The following ADAMTS17 variants were observed in gnomAD, a reference collection of about 807,000 sequenced individuals.
ADAMTS17 encodes ADAM metallopeptidase with thrombospondin type 1 motif 17, also known as A disintegrin and metalloproteinase with thrombospondin motifs 17.
In ADAMTS17, 113 loss-of-function variants were observed where a neutral mutation model predicts 141.5. The ratio of observed to expected loss-of-function variants is 0.80; its 90% CI spans 0.69 to 0.93. The LOEUF is 0.93. Among genes scored for constraint, ADAMTS17 ranks in the 40% least tolerant of loss-of-function variants. The pLI is 0.00. For missense variants in ADAMTS17, 1,659 were observed against 1,517.9 expected (o/e 1.09, Z -1.54); for synonymous variants, 768 against 630.6 (o/e 1.22, Z -3.27).
intron 8 of ADAMTS17, among the ~76,000 whole-genome samples, chr15:100,163,490 A>G (rs1451569860): frequency 1.3e-5 from 2 of 152,114 alleles, no homozygotes; most frequent in African/African-American, 4.8e-5. Flanking sequence ...TCTAAATTTT[A>G]TAATTTTAAT....
chr15:100,192,085 G>A (rs1468547545), intron 8 of ADAMTS17, among the ~76,000 whole-genome samples: 3 of 152,322 alleles, frequency 2.0e-5, no homozygotes, highest in South Asian at 2.1e-4. Flanking sequence ...AGGCCTGCAC[G>A]TTTTGAACAA....
At chr15:100,199,887 C>T (rs965882897) in intron 7 of ADAMTS17, among the ~76,000 whole-genome samples, 1 of 152,228 alleles carries the variant, frequency 6.6e-6, no homozygotes, top group Non-Finnish European at 1.5e-5. Context: ...TCAGGCGATG[C>T]CCCTGCACCC....
At chr15:99,985,288 T>C (rs1395812316) in intron 20 of ADAMTS17, among the ~76,000 whole-genome samples, 1 of 152,226 alleles carries the variant, frequency 6.6e-6, no homozygotes, top group Admixed American at 6.5e-5. Flanking sequence ...AGGATCTGCC[T>C]CTCTTGATCT....
chr15:100,281,196 C>A (rs755291288), intron 4 of ADAMTS17, 33 bp downstream of exon 4: 15 of 1,599,738 alleles, frequency 9.4e-6, no homozygotes, highest in Non-Finnish European at 1.3e-5. Context: ...GAAAACAGAG[C>A]CCCCCACATC....
intron 3 of ADAMTS17, among the ~76,000 whole-genome samples, chr15:100,295,409 G>A (rs1442668822): frequency 6.6e-6 from 1 of 152,110 alleles, no homozygotes; most frequent in African/African-American, 2.4e-5. Context: ...GTGAGGAGAT[G>A]GGGTTCCTTG....
chr15:99,978,531 C>T (rs1001571694), intron 20 of ADAMTS17: 1 of 152,230 alleles, frequency 6.6e-6, no homozygotes, highest in Non-Finnish European at 1.5e-5. Flanking sequence ...GGAGGCAGCT[C>T]ATGGCCTTTC....
At chr15:100,220,533 C>T (rs1262171334) in intron 7 of ADAMTS17, among the ~76,000 whole-genome samples, 1 of 152,198 alleles carries the variant, frequency 6.6e-6, no homozygotes, top group Non-Finnish European at 1.5e-5. Flanking sequence ...ATTCACACAC[C>T]ATTAAGTTCA....
intron 7 of ADAMTS17, among the ~76,000 whole-genome samples, chr15:100,217,085 TTG>T (rs1555485677): frequency 6.7e-6 from 1 of 149,938 alleles, no homozygotes; most frequent in African/African-American, 2.5e-5. Context: ...AGACATGGGT[TTG>T]TGTTTCAGCA....
intron 3 of ADAMTS17, among the ~76,000 whole-genome samples, chr15:100,281,791 A>G (rs1331234343): frequency 1.3e-5 from 2 of 152,210 alleles, no homozygotes. Context: ...CAAGGTGGAT[A>G]ACTGGACCAA....
At chr15:100,207,481 C>T (rs541773105) in intron 7 of ADAMTS17, among the ~76,000 whole-genome samples, 172 of 152,266 alleles carry the variant, frequency 1.1e-3, no homozygotes, top group Middle Eastern at 0.01. Context: ...AGCATGGCGG[C>T]CACCGGAACT....
At chr15:100,221,403 A>T (rs1400715015) in intron 7 of ADAMTS17, among the ~76,000 whole-genome samples, 3 of 152,038 alleles carry the variant, frequency 2.0e-5, no homozygotes, top group Admixed American at 1.3e-4. Context: ...CAGCTCATAC[A>T]CTCATATAAG....
Position 100,193,820 on chromosome 15 carries a change from G to A in ADAMTS17, c.1181+5498C>T, listed in dbSNP as rs189304077. Among the ~76,000 whole-genome samples, 476 of 152,306 alleles carry A rather than the reference G, an allele frequency of 3.1e-3. 4 individuals carry two copies. The highest frequency in any genetic ancestry group is 4.5e-3 in the Non-Finnish European group (304 of 68,020). ...ATGGAAAGAGAATGGTTTTTTGACCGAAGCAAGGGTGCAGGGACGGCAGGG... is the reference window on the plus strand; with the variant it reads ...ATGGAAAGAGAATGGTTTTTTGACCAAAGCAAGGGTGCAGGGACGGCAGGG... On this transcript the variant is annotated intron_variant, in intron 8 of 21. Transcript: ENST00000268070.
chr15:100,300,873 C>A (rs1203099422), intron 3 of ADAMTS17, among the ~76,000 whole-genome samples: 1 of 152,216 alleles, frequency 6.6e-6, no homozygotes, highest in African/African-American at 2.4e-5. Context: ...CTCAAAGAAG[C>A]TTTTGTGGGT....
rs1205916976 is a variant in ADAMTS17, at chr15:99,988,551, A to T, written c.2949+4497T>A. On this transcript the variant is annotated intron_variant, in intron 20 of 21. Transcript: ENST00000268070. ...AAAGTAGATTAATATAGCAACCAAG[A>T]TGTCACAGAGGCCCTCACATCCCAC... Among the ~76,000 whole-genome samples the T allele has an allele frequency of 2.0e-5, 3 of 152,198 alleles. No homozygotes were observed. The East Asian group carries it at 5.8e-4, about 29-fold the overall frequency.
chr15:100,311,643 G>A (rs1006586699), intron 3 of ADAMTS17, among the ~76,000 whole-genome samples: 17 of 152,144 alleles, frequency 1.1e-4, no homozygotes, highest in East Asian at 3.9e-4. Flanking sequence ...GGAGCTGCAT[G>A]TGGGAAAAAG....
chr15:100,275,822 T>A lies in ADAMTS17; in HGVS notation c.789+5407A>T, dbSNP rs533854880. On this transcript the variant is annotated intron_variant, in intron 4 of 21. Transcript: ENST00000268070. ...CTAATACATCAAAACCATGAGATGC[T>A]ATGAAACCCGGAGCAAACGCTTGAT... Among the ~76,000 whole-genome samples, 115 of 151,286 alleles carry A rather than the reference T, an allele frequency of 7.6e-4. 2 individuals are homozygous for A. The South Asian group carries it at 0.023, about 30-fold the overall frequency.
At position 100,071,692 on chromosome 15, in the gene ADAMTS17, T is replaced by C. The variant is rs879280636; in HGVS notation, c.2138-17638A>G. On this transcript the variant is annotated intron_variant, in intron 15 of 21. Coordinates refer to ENST00000268070, the MANE Select transcript of ADAMTS17 (RefSeq NM_139057.4). ...ATCTCAATAGATGCAGAAAAGGCCT[T>C]TGACAAAATTCAACAACTCTTCATG... 1.3e-4 allele frequency among the ~76,000 whole-genome samples: 19 copies of C among 150,396 alleles called. 1 individual carries two copies. The highest frequency in any genetic ancestry group is 5.8e-4 in the East Asian group (3 of 5,160).
chr15:100,124,689 G>A (rs902584404), intron 12 of ADAMTS17, among the ~76,000 whole-genome samples: 5 of 152,248 alleles, frequency 3.3e-5, no homozygotes, highest in South Asian at 4.1e-4. Flanking sequence ...GCACGGAGCT[G>A]TGCTTCTTTG....
At chr15:100,287,286 G>A (rs900788651) in intron 3 of ADAMTS17, among the ~76,000 whole-genome samples, 1 of 152,180 alleles carries the variant, frequency 6.6e-6, no homozygotes, top group African/African-American at 2.4e-5. Flanking sequence ...CCAAGTTGAG[G>A]AAGGAATCAC....
Sources: gnomAD v4.1 joint callset for allele counts (sites outside exome capture counted in the v4.1 genomes callset) on GRCh38, gnomAD v4.1.1 for gene constraint, MANE v1.5 for transcripts, NCBI Gene and HGNC (gene_info 2026-07-23, HGNC 2026-07-21) for gene names.